Variants in PCDH15 observed in about 807,000 individuals in gnomAD.
PCDH15 encodes protocadherin-15.
PCDH15 carries 129 observed loss-of-function variants against 178.5 expected under a neutral mutation model. The observed-to-expected ratio is 0.72, with a 90% CI of 0.63 to 0.84. The LOEUF (loss-of-function observed/expected upper bound fraction) is 0.84. PCDH15 is among the 40% of genes least tolerant of loss of function. The pLI is 0.00. For missense variants in PCDH15, 2,230 were observed against 2,099.9 expected, an observed-to-expected ratio of 1.06 and a Z score of -1.21; for synonymous variants, 800 against 732.0, an observed-to-expected ratio of 1.09 and a Z score of -1.50.
chr10:54,481,539 G>A (rs975320908), intron 3 of PCDH15, among the ~76,000 whole-genome samples: 17 of 151,540 alleles, frequency 1.1e-4, no homozygotes, highest in Middle Eastern at 3.2e-3. Context: ...ATCAAAAATG[G>A]CAACTTGCTA....
chr10:54,798,884 GA>G (rs1185206151), intron 1 of PCDH15, among the ~76,000 whole-genome samples: 2 of 151,908 alleles, frequency 1.3e-5, no homozygotes, highest in African/African-American at 4.8e-5. Flanking sequence ...ATTTAAGTAG[GA>G]AAAAAAGTTC....
chr10:53,823,125 C>A, intron 32 of PCDH15: 1 of 1,613,998 alleles, frequency 6.2e-7, no homozygotes, highest in Non-Finnish European at 8.5e-7. Context: ...TGATACTTGA[C>A]TTATGTTTTC....
At chr10:54,590,320 A>C (rs1364973423) in intron 2 of PCDH15, among the ~76,000 whole-genome samples, 1 of 152,170 alleles carries the variant, frequency 6.6e-6, no homozygotes, top group African/African-American at 2.4e-5. Context: ...CCTGACTCCA[A>C]AACTTGGTCT....
At chr10:55,545,340 A>C (rs1199994664) in intron 2 of PCDH15, among the ~76,000 whole-genome samples, 1 of 150,718 alleles carries the variant, frequency 6.6e-6, no homozygotes, top group African/African-American at 2.4e-5. Flanking sequence ...CAGTGGTAGC[A>C]TCTTGGTTCA....
chr10:55,156,621 G>C (rs1422231242), intron 2 of PCDH15, among the ~76,000 whole-genome samples: 2 of 152,154 alleles, frequency 1.3e-5, no homozygotes, highest in Non-Finnish European at 2.9e-5. Flanking sequence ...TCTTATTAGA[G>C]AAGTAGAATA....
intron 2 of PCDH15, among the ~76,000 whole-genome samples, chr10:54,936,042 A>C (rs1173884849): frequency 1.3e-5 from 2 of 152,020 alleles, no homozygotes; most frequent in Non-Finnish European, 2.9e-5. Flanking sequence ...GTCACTCATC[A>C]TTCCCCTCAA....
intron 2 of PCDH15, among the ~76,000 whole-genome samples, chr10:55,161,923 G>A (rs1298578093): frequency 6.6e-6 from 1 of 152,040 alleles, no homozygotes; most frequent in Non-Finnish European, 1.5e-5. Flanking sequence ...TAATTTTCTA[G>A]GACACAATTA....
intron 3 of PCDH15, among the ~76,000 whole-genome samples, chr10:54,807,462 A>G (rs1564526185): frequency 6.6e-6 from 1 of 151,982 alleles, no homozygotes; most frequent in Non-Finnish European, 1.5e-5. Flanking sequence ...CAGAGGTACA[A>G]CACAAACTGT....
At chr10:54,673,029 C>G (rs1265826919) in intron 1 of PCDH15, among the ~76,000 whole-genome samples, 7 of 151,696 alleles carry the variant, frequency 4.6e-5, no homozygotes, top group African/African-American at 7.3e-5. Flanking sequence ...TTTCTTAAAT[C>G]TGCTTGCATT....
At chr10:54,756,495 T>C (rs1484678375) in intron 1 of PCDH15, among the ~76,000 whole-genome samples, 1 of 152,180 alleles carries the variant, frequency 6.6e-6, no homozygotes, top group Non-Finnish European at 1.5e-5. Context: ...GAATAAGCCA[T>C]GCATAGACAT....
At chr10:54,117,407 T>G (rs904147738) in intron 15 of PCDH15, among the ~76,000 whole-genome samples, 1 of 152,082 alleles carries the variant, frequency 6.6e-6, no homozygotes, top group African/African-American at 2.4e-5. Context: ...GTCACAGCCC[T>G]GGTTTGGGGA....
At chr10:54,075,752 T>C (rs1030944206) in intron 17 of PCDH15, among the ~76,000 whole-genome samples, 3 of 152,216 alleles carry the variant, frequency 2.0e-5, no homozygotes, top group African/African-American at 7.2e-5. Context: ...AAAAATTATC[T>C]GACCAATTAA....
chr10:54,819,758 T>A (rs1259844382), intron 3 of PCDH15, among the ~76,000 whole-genome samples: 1 of 152,062 alleles, frequency 6.6e-6, no homozygotes, highest in Non-Finnish European at 1.5e-5. Flanking sequence ...TTGTTTTATG[T>A]CTTGTATGTG....
chr10:54,294,816 CAT>C (rs770467060), intron 8 of PCDH15, among the ~76,000 whole-genome samples: 2 of 152,150 alleles, frequency 1.3e-5, no homozygotes, highest in African/African-American at 2.4e-5. Context: ...TAATTTAACT[CAT>C]ATTATTTTTG....
At chr10:55,199,600 A>T (rs752259857) in intron 1 of PCDH15, among the ~76,000 whole-genome samples, 3 of 152,084 alleles carry the variant, frequency 2.0e-5, no homozygotes, top group Non-Finnish European at 2.9e-5. Context: ...GCAGAATATA[A>T]ATAGCCAAGA....
chr10:54,739,637 A>G (rs1944540019), intron 1 of PCDH15, among the ~76,000 whole-genome samples: 1 of 151,860 alleles, frequency 6.6e-6, no homozygotes, highest in African/African-American at 2.4e-5. Flanking sequence ...GAACTAAAAG[A>G]ACAAAGCTAT....
chr10:54,205,104 T>C (rs1450619897), intron 10 of PCDH15, among the ~76,000 whole-genome samples: 2 of 152,176 alleles, frequency 1.3e-5, no homozygotes, highest in Middle Eastern at 3.2e-3. Context: ...CTTGATTCTG[T>C]AGGGAGAGCC....
chr10:54,212,865 C>T (rs1264920717), intron 10 of PCDH15, among the ~76,000 whole-genome samples: 3 of 152,088 alleles, frequency 2.0e-5, no homozygotes, highest in African/African-American at 7.2e-5. Context: ...CTCAACTCTG[C>T]CCCTTATTAG....
intron 2 of PCDH15, among the ~76,000 whole-genome samples, chr10:55,442,407 G>T (rs1316404388): frequency 2.9e-5 from 4 of 139,472 alleles, no homozygotes; most frequent in Non-Finnish European, 4.6e-5. Flanking sequence ...GTTTATTTCT[G>T]GTTTTCACAA....
Sources: allele counts gnomAD v4.1 joint callset (sites outside exome capture counted in the v4.1 genomes callset), GRCh38; gene constraint gnomAD v4.1.1; transcripts MANE v1.5; gene names NCBI Gene and HGNC (gene_info 2026-07-23, HGNC 2026-07-21).